The following MTSS1 variants were observed in gnomAD, a reference collection of about 807,000 sequenced individuals.
The protein encoded by MTSS1 is MTSS I-BAR domain containing 1.
A neutral mutation model predicts 79.0 loss-of-function variants in MTSS1; 18 were observed. The observed-to-expected ratio is 0.23, with a 90% CI of 0.16 to 0.34. MTSS1 has a LOEUF of 0.34. MTSS1 is among the 10% of genes least tolerant of loss of function. The probability of loss-of-function intolerance (pLI) is 1.00; values close to 1 mark genes in which losing one functional copy is unlikely to be tolerated. For synonymous variants in MTSS1, 341 were observed against 368.6 expected (o/e 0.93, Z 0.86); for missense variants, 815 against 986.2 (o/e 0.83, Z 2.33).
intron 6 of MTSS1, among the ~76,000 whole-genome samples, chr8:124,579,157 A>G (rs1829558654): frequency 6.6e-6 from 1 of 152,228 alleles, no homozygotes; most frequent in African/African-American, 2.4e-5. Flanking sequence ...CCATCATTTC[A>G]AATAAATAAA....
At chr8:124,638,629 C>T (rs536014280) in intron 3 of MTSS1, among the ~76,000 whole-genome samples, 38 of 152,246 alleles carry the variant, frequency 2.5e-4, no homozygotes, top group African/African-American at 8.2e-4. Flanking sequence ...CAGTTCTCCC[C>T]GGAGAATAGA....
At chr8:124,711,562 C>T (rs371054056) in intron 1 of MTSS1, among the ~76,000 whole-genome samples, 2 of 152,258 alleles carry the variant, frequency 1.3e-5, no homozygotes, top group East Asian at 1.9e-4. Flanking sequence ...TTGGGTCGCG[C>T]TTTACATGTG....
chr8:124,725,890 G>A (rs1424484628), intron 1 of MTSS1, among the ~76,000 whole-genome samples: 2 of 151,924 alleles, frequency 1.3e-5, no homozygotes, highest in African/African-American at 2.4e-5. Flanking sequence ...CATCTCTCGA[G>A]TCTCCAAAAG....
chr8:124,694,143 T>C (rs1171433479), intron 3 of MTSS1, among the ~76,000 whole-genome samples: 1 of 152,152 alleles, frequency 6.6e-6, no homozygotes, highest in Non-Finnish European at 1.5e-5. Flanking sequence ...AGAATCAAAA[T>C]GGGATCAAAA....
Position 124,553,234 on chromosome 8 carries a change from G to GAAGTGGAGGGTT in MTSS1, c.2014_2025dup (p.Asn672_Leu675dup). On this transcript the variant is annotated inframe_insertion, in exon 14 of 14. Coordinates refer to ENST00000518547, the MANE Select transcript of MTSS1 (RefSeq NM_014751.6). The surrounding 1 kb of genome is among the most constrained non-coding windows in gnomAD (Gnocchi z 6.0). ...TCAGGGATACTGGGCTTCGGGCCTG[G>GAAGTGGAGGGTT]AAGTGGAGGGTTAACGGAAGCTTGG... The GAAGTGGAGGGTT allele has an allele frequency of 6.2e-7, 1 of 1,614,178 alleles. No homozygotes were observed. The highest frequency in any genetic ancestry group is 1.1e-5 in the South Asian group (1 of 91,078).
At chr8:124,558,563 A>G (rs1824534454) in intron 10 of MTSS1, 1 of 1,147,630 alleles carries the variant, frequency 8.7e-7, no homozygotes. Flanking sequence ...AAATGCCCTC[A>G]GCCTTGTCCC....
chr8:124,555,949 G>GC lies in MTSS1; in HGVS notation c.1405-46_1405-45insG, dbSNP rs397841396. 4.1e-5 allele frequency: 61 copies of GC among 1,470,434 alleles called. No individual in the cohort carries two copies. In the African/African-American group the frequency reaches 7.7e-4, roughly 19 times the overall value. 91.1% of individuals were successfully genotyped at this position (1,470,434 alleles called of 1,614,324 possible). Reference sequence around the variant, plus strand: ...AATACACAGGTTGCTTTAGGGGGGGGGCTCAACAGCACTCCTGTTCTGCCC... The same window carrying GC: ...AATACACAGGTTGCTTTAGGGGGGGGCGCTCAACAGCACTCCTGTTCTGCCC... On this transcript the variant is annotated intron_variant, in intron 12 of 13. Transcript: ENST00000518547.
At chr8:124,675,020 C>A (rs1452174258) in intron 3 of MTSS1, among the ~76,000 whole-genome samples, 1 of 152,228 alleles carries the variant, frequency 6.6e-6, no homozygotes, top group East Asian at 1.9e-4. Context: ...CCATGTCCGG[C>A]CCTCTTAACA....
At chr8:124,652,268 G>C (rs1246158745) in intron 3 of MTSS1, among the ~76,000 whole-genome samples, 1 of 152,130 alleles carries the variant, frequency 6.6e-6, no homozygotes, top group Non-Finnish European at 1.5e-5. Context: ...CTGCCTCCCA[G>C]GTTCAAGTGA....
intron 6 of MTSS1, among the ~76,000 whole-genome samples, chr8:124,571,637 G>A (rs962605223): frequency 2.0e-5 from 3 of 152,184 alleles, no homozygotes; most frequent in South Asian, 2.1e-4. Flanking sequence ...AAACTTGCTC[G>A]GTGGGCTTTG....
intron 3 of MTSS1, among the ~76,000 whole-genome samples, chr8:124,595,830 C>T (rs1563821789): frequency 6.6e-6 from 1 of 152,160 alleles, no homozygotes; most frequent in Non-Finnish European, 1.5e-5. Context: ...GACTGCAGCA[C>T]CCATTCGCCC....
At chr8:124,639,754 G>A (rs779253309) in intron 3 of MTSS1, among the ~76,000 whole-genome samples, 9 of 152,058 alleles carry the variant, frequency 5.9e-5, no homozygotes, top group Non-Finnish European at 1.3e-4. Context: ...GTGAGCCACC[G>A]CGCCCAGCCC....
chr8:124,635,317 C>A (rs1315577926), intron 3 of MTSS1, among the ~76,000 whole-genome samples: 1 of 152,208 alleles, frequency 6.6e-6, no homozygotes, highest in Non-Finnish European at 1.5e-5. Flanking sequence ...AGAATAAACT[C>A]TTAAAGTCAG....
At chr8:124,650,449 T>G (rs751004251) in intron 3 of MTSS1, among the ~76,000 whole-genome samples, 18 of 152,156 alleles carry the variant, frequency 1.2e-4, no homozygotes, top group Admixed American at 1.2e-3. Context: ...AATGAGATCA[T>G]CCATATATGG....
intron 13 of MTSS1, among the ~76,000 whole-genome samples, chr8:124,555,384 T>C (rs568964847): frequency 6.6e-6 from 1 of 152,178 alleles, no homozygotes; most frequent in Non-Finnish European, 1.5e-5. Context: ...TAGCTGGGAC[T>C]ACAGGCGCCT....
At chr8:124,710,905 G>A (rs779162830) in intron 1 of MTSS1, among the ~76,000 whole-genome samples, 5 of 152,158 alleles carry the variant, frequency 3.3e-5, no homozygotes, top group Non-Finnish European at 7.3e-5. Flanking sequence ...GTTCAGGGGA[G>A]AATCAAGTAG....
chr8:124,562,349 CGCCAAG>C (rs1825519335), intron 10 of MTSS1, among the ~76,000 whole-genome samples: 1 of 152,178 alleles, frequency 6.6e-6, no homozygotes, highest in African/African-American at 2.4e-5. Context: ...AACCTGAGAG[CGCCAAG>C]GGATGGTATC....
Position 124,698,250 on chromosome 8 carries a change from C to G in MTSS1, c.208+1276G>C, listed in dbSNP as rs905937384. On this transcript the variant is annotated intron_variant, in intron 3 of 13. Coordinates refer to ENST00000518547, the MANE Select transcript of MTSS1 (RefSeq NM_014751.6). ...ATGAGTATCATTGCACTGAAGGTACCCATCAGGTGGTTCGGAGAAACTTTC... is the reference window on the plus strand; with the variant it reads ...ATGAGTATCATTGCACTGAAGGTACGCATCAGGTGGTTCGGAGAAACTTTC... 6.6e-5 allele frequency: 10 copies of G among 152,168 alleles called. No individual in the cohort carries two copies. In the East Asian group the frequency reaches 1.9e-3, roughly 29 times the overall value. 9.4% of individuals were successfully genotyped at this position (152,168 alleles called of 1,614,324 possible). A position where few individuals can be genotyped will look rare whatever the true frequency, so the allele number is the denominator to read the frequency against.
At chr8:124,699,850 T>C (rs1281324711) in intron 2 of MTSS1, among the ~76,000 whole-genome samples, 1 of 152,144 alleles carries the variant, frequency 6.6e-6, no homozygotes, top group African/African-American at 2.4e-5. Context: ...TCTGACTGTA[T>C]AAAACCATTA....
Sources: gnomAD v4.1 joint callset for allele counts (sites outside exome capture counted in the v4.1 genomes callset) on GRCh38, gnomAD v4.1.1 for gene constraint, Gnocchi (gnomAD v3.1) non-coding constraint, MANE v1.5 for transcripts, NCBI Gene and HGNC (gene_info 2026-07-23, HGNC 2026-07-21) for gene names.